Variants in RPUSD3 observed in about 807,000 individuals in gnomAD.
RPUSD3 encodes the protein RNA pseudouridine synthase D3.
Under a neutral mutation model 35.1 loss-of-function variants are expected in RPUSD3, and 36 were observed. The observed-to-expected ratio is 1.02, with a 90% CI of 0.79 to 1.35. The LOEUF (loss-of-function observed/expected upper bound fraction) is 1.35, where lower values mean the gene tolerates loss of function less well. Among genes scored for constraint, RPUSD3 ranks in the 40% most tolerant of loss-of-function variants. The probability of loss-of-function intolerance (pLI) is 0.00; values close to 1 mark genes in which losing one functional copy is unlikely to be tolerated. For missense variants in RPUSD3, 486 were observed against 441.9 expected, an observed-to-expected ratio of 1.10 and a Z score of -0.89; for synonymous variants, 202 against 187.8, an observed-to-expected ratio of 1.08 and a Z score of -0.62.
chr3:9,842,068 G>A (rs2082112564), exon 4 of RPUSD3: 1 of 1,610,638 alleles, frequency 6.2e-7, no homozygotes, highest in Non-Finnish European at 8.5e-7. Flanking sequence ...AACAACGTCA[G>A]CTCTCCTGGT....
At chr3:9,837,996 G>T in exon 9 of RPUSD3, 1 of 1,543,842 alleles carries the variant, frequency 6.5e-7, no homozygotes, top group Non-Finnish European at 8.8e-7. Flanking sequence ...TGTGTGAGGG[G>T]GTCAGGAACA....
At chr3:9,840,585 C>T (rs2082088526) in exon 6 of RPUSD3, 1 of 1,613,928 alleles carries the variant, frequency 6.2e-7, no homozygotes, top group African/African-American at 1.3e-5. Flanking sequence ...ATCTTCCCCT[C>T]AGAAGCAGCT....
chr3:9,842,376 C>A (rs1378220986), intron 2 of RPUSD3, 133 bp from the exon 3 acceptor site: 1 of 855,896 alleles, frequency 1.2e-6, no homozygotes, highest in East Asian at 2.5e-5. Context: ...GAGTTAACTA[C>A]CCCACACCAA....
Position 9,839,176 on chromosome 3 carries a change from G to A in RPUSD3, c.725-5C>T. The A allele has an allele frequency of 6.2e-7, 1 of 1,603,964 alleles. No homozygotes were observed. Among genetic ancestry groups the A allele is most frequent in the Non-Finnish European group, 8.5e-7 (1 of 1,171,854 alleles). On this transcript the variant is annotated splice_region_variant and splice_polypyrimidine_tract_variant and intron_variant, in intron 7 of 8. Coordinates refer to ENST00000383820, the Ensembl canonical transcript of RPUSD3. Reference sequence around the variant, plus strand: ...CCTGTAGTTGACTGGAGAACACTGGGCAACAGGAAAGCCAGGAGAGACAGT... The same window carrying A: ...CCTGTAGTTGACTGGAGAACACTGGACAACAGGAAAGCCAGGAGAGACAGT...
exon 9 of RPUSD3, chr3:9,837,979 T>G (rs1377341172): frequency 1.3e-6 from 2 of 1,515,222 alleles, no homozygotes; most frequent in Non-Finnish European, 1.8e-6. Context: ...ACCCTCACTT[T>G]CCAGTGTGTG....
chr3:9,839,421 C>CT (rs2082070425), intron 7 of RPUSD3: 1 of 394,864 alleles, frequency 2.5e-6, no homozygotes, highest in Non-Finnish European at 4.6e-6. Context: ...TTGCTGAAGC[C>CT]ACCGGGCCTA....
exon 1 of RPUSD3, chr3:9,843,935 C>T (rs760843623): frequency 1.2e-6 from 2 of 1,602,646 alleles, no homozygotes; most frequent in East Asian, 2.3e-5. Flanking sequence ...TGGGCGGACA[C>T]CCAGGCCCCG....
chr3:9,843,397 G>T, intron 2 of RPUSD3, 68 bp downstream of exon 2: 1 of 1,595,122 alleles, frequency 6.3e-7, no homozygotes, highest in South Asian at 1.1e-5. Context: ...GGCTTCAATG[G>T]AGAGCCCAAC....
Position 9,842,191 on chromosome 3 carries a change from GCCCATA to G in RPUSD3, c.307+2_307+7del. ...GCTGCATTCCCTTCCCACATCCCCG[GCCCATA>G]CCTGTCACTGGTAGACCCTGTGGCT... On this transcript the variant is annotated splice_donor_variant and splice_donor_5th_base_variant and intron_variant, in intron 3 of 8. Coordinates refer to ENST00000383820, the Ensembl canonical transcript of RPUSD3. LOFTEE classifies it high-confidence loss of function. 1.2e-6 allele frequency: 2 copies of G among 1,613,944 alleles called. No individual in the cohort carries two copies. Among genetic ancestry groups the G allele is most frequent in the Non-Finnish European group, 1.7e-6 (2 of 1,179,960 alleles).
At chr3:9,842,161 C>T in intron 3 of RPUSD3, 38 bp downstream of exon 3, 1 of 1,614,014 alleles carries the variant, frequency 6.2e-7, no homozygotes, top group Non-Finnish European at 8.5e-7. Flanking sequence ...ACGAAACCCC[C>T]TTCCGCTGCA....
At chr3:9,841,954 C>T in intron 4 of RPUSD3, 29 bp downstream of exon 4, 1 of 1,589,470 alleles carries the variant, frequency 6.3e-7, no homozygotes, top group African/African-American at 1.3e-5. Flanking sequence ...TGCCTGTACT[C>T]CTAGCTTCCT....
chr3:9,838,241 A>T, intron 8 of RPUSD3, 34 bp from the exon 9 acceptor site: 2 of 1,606,284 alleles, frequency 1.2e-6, no homozygotes, highest in Non-Finnish European at 1.7e-6. Context: ...GTTCAGCCCC[A>T]CATTTTCCAA....
At position 9,843,931 on chromosome 3, in the gene RPUSD3, G is replaced by C. The variant is rs2290306; in HGVS notation, c.84C>G (p.Val28=). ...AGCCTGCGTCCTCGGGCACTGGGCGGACACCCAGGCCCCGCCGCCAGCCAC... is the reference window on the plus strand; with the variant it reads ...AGCCTGCGTCCTCGGGCACTGGGCGCACACCCAGGCCCCGCCGCCAGCCAC... Residue 28 remains valine, a synonymous_variant, in exon 1 of 9, where the codon GTC becomes GTG. Transcript: ENST00000383820. 118,860 of 1,602,928 alleles carry C rather than the reference G, an allele frequency of 0.074. 4,696 individuals carry two copies. Among genetic ancestry groups the C allele is most frequent in the Admixed American group, 0.11 (6,701 of 58,550 alleles).
chr3:9,838,226 G>A lies in RPUSD3; in HGVS notation c.865-19C>T, dbSNP rs764432683. 3.4e-5 allele frequency: 54 copies of A among 1,610,838 alleles called. No individual in the cohort carries two copies. Among genetic ancestry groups the A allele is most frequent in the Admixed American group, 1.2e-4 (7 of 59,958 alleles). On this transcript the variant is annotated intron_variant, in intron 8 of 8. Coordinates refer to ENST00000383820, the Ensembl canonical transcript of RPUSD3. ...CCAGGACCTGGAGCGGGAGAGGTACGTTGTGTTCAGCCCCACATTTTCCAA... is the reference window on the plus strand; with the variant it reads ...CCAGGACCTGGAGCGGGAGAGGTACATTGTGTTCAGCCCCACATTTTCCAA...
In RPUSD3 at chr3:9,842,013, T is replaced by C. The variant is rs61738608; in HGVS notation, c.377A>G (p.Gln126Arg). The C allele has an allele frequency of 1.3e-3, 2,152 of 1,614,048 alleles. 26 individuals are homozygous for C. The African/African-American group carries it at 0.026, about 19-fold the overall frequency. Reference sequence around the variant, plus strand: ...AGATGCTCGGACAACCTGAAGCTCCTGCTCCCTGAGCCCTAGGGACTGGCT... The same window carrying C: ...AGATGCTCGGACAACCTGAAGCTCCCGCTCCCTGAGCCCTAGGGACTGGCT... The change falls in exon 4 of 9, where the codon CAG becomes CGG. Residue 126 changes from glutamine to arginine, a missense_variant. Gln to Arg is a conservative substitution (Grantham distance 43). Transcript: ENST00000383820.
intron 4 of RPUSD3, chr3:9,841,156 T>A (rs987884732): frequency 5.3e-6 from 1 of 187,390 alleles, no homozygotes; most frequent in Admixed American, 6.0e-5. Context: ...TCATCTCAAG[T>A]ACCATCTTTA....
In RPUSD3 at chr3:9,843,873, A is replaced by G. The variant is rs746458826; in HGVS notation, c.125+17T>C. 5.0e-6 allele frequency: 8 copies of G among 1,597,064 alleles called. No individual in the cohort carries two copies. In the South Asian group the frequency reaches 7.9e-5, roughly 16 times the overall value. On this transcript the variant is annotated intron_variant, in intron 1 of 8. Transcript: ENST00000383820. ...CCCTAGCCTCCGTCCCGCATGAGAGAGGGGGTACTTAATCACCGGGCTTCG... is the reference window on the plus strand; with the variant it reads ...CCCTAGCCTCCGTCCCGCATGAGAGGGGGGGTACTTAATCACCGGGCTTCG...
chr3:9,843,717 G>A (rs1177343062), intron 1 of RPUSD3, 116 bp from the exon 2 acceptor site: 1 of 1,546,298 alleles, frequency 6.5e-7, no homozygotes. Context: ...CACAATGTCT[G>A]GGCTGACCTC....
chr3:9,843,186 CCAATAAA>C (rs2082127962), intron 2 of RPUSD3: 1 of 449,760 alleles, frequency 2.2e-6, no homozygotes, highest in Non-Finnish European at 4.0e-6. Context: ...GCCACCGCGG[CCAATAAA>C]CAATAATCTA....
Sources: gnomAD v4.1 joint callset for allele counts on GRCh38, gnomAD v4.1.1 for gene constraint, MANE v1.5 for transcripts, NCBI Gene and HGNC (gene_info 2026-07-23, HGNC 2026-07-21) for gene names.